MACROD2: variants seen among roughly 807,000 people sequenced by gnomAD.
MACROD2 encodes mono-ADP ribosylhydrolase 2, also known as ADP-ribose glycohydrolase MACROD2.
In MACROD2, 36 loss-of-function variants were observed where a neutral mutation model predicts 70.4. The observed-to-expected ratio is 0.51, with a 90% CI of 0.39 to 0.68. MACROD2 has a LOEUF of 0.68. Among genes scored for constraint, MACROD2 ranks in the 30% least tolerant of loss-of-function variants. The pLI is 0.00. For missense variants in MACROD2, 496 were observed against 538.4 expected (o/e 0.92, Z 0.78); for synonymous variants, 172 against 178.8 (o/e 0.96, Z 0.30).
chr20:14,549,005 C>T (rs2123255136), intron 4 of MACROD2, among the ~76,000 whole-genome samples: 1 of 152,260 alleles, frequency 6.6e-6, no homozygotes, highest in South Asian at 2.1e-4. Context: ...TCCATGATTA[C>T]AGGCAAAGCA....
At chr20:15,281,248 T>C (rs192068531) in intron 6 of MACROD2, among the ~76,000 whole-genome samples, 1 of 146,928 alleles carries the variant, frequency 6.8e-6, no homozygotes, top group East Asian at 1.9e-4. Context: ...AACCATATTA[T>C]TCTGCCCCTG....
At chr20:14,030,372 A>G (rs1262265554) in intron 2 of MACROD2, among the ~76,000 whole-genome samples, 1 of 151,852 alleles carries the variant, frequency 6.6e-6, no homozygotes, top group South Asian at 2.1e-4. Context: ...TTCAGGGTTT[A>G]GTTGGTGAAA....
chr20:15,658,613 C>T (rs1477824207), intron 8 of MACROD2, among the ~76,000 whole-genome samples: 2 of 152,190 alleles, frequency 1.3e-5, no homozygotes, highest in East Asian at 1.9e-4. Flanking sequence ...GTCAGAATCT[C>T]CCTGCAGCAG....
chr20:15,546,298 C>T lies in MACROD2; in HGVS notation c.645+46451C>T, dbSNP rs369324531. Among the ~76,000 whole-genome samples the T allele has an allele frequency of 6.8e-4, 103 of 152,304 alleles. No homozygotes were observed. In the South Asian group the frequency reaches 7.5e-3, roughly 11 times the overall value. The stretch of plus-strand genomic sequence containing the variant: ...CACATGATAGCTAACACTTCTTGAA[C>T]GTCTGCAGAGACTGTGCTAAATGAC... On this transcript the variant is annotated intron_variant, in intron 8 of 17. Transcript: ENST00000684519.
intron 3 of MACROD2, among the ~76,000 whole-genome samples, chr20:14,402,467 C>CT (rs1448248515): frequency 6.6e-6 from 1 of 151,990 alleles, no homozygotes; most frequent in Non-Finnish European, 1.5e-5. Context: ...GGTGGTAAAA[C>CT]TGAAAAGGAA....
At chr20:15,082,737 CTT>C (rs962373275) in intron 5 of MACROD2, among the ~76,000 whole-genome samples, 2 of 151,954 alleles carry the variant, frequency 1.3e-5, no homozygotes, top group Non-Finnish European at 2.9e-5. Flanking sequence ...GCATTTTCCC[CTT>C]TGAATAGCAA....
chr20:15,440,496 G>C (rs560063369), intron 7 of MACROD2, among the ~76,000 whole-genome samples: 1 of 152,220 alleles, frequency 6.6e-6, no homozygotes, highest in African/African-American at 2.4e-5. Flanking sequence ...CTTCTAACTG[G>C]TAAAAAGGAG....
At chr20:14,773,608 A>G (rs1039801747) in intron 5 of MACROD2, among the ~76,000 whole-genome samples, 6 of 151,402 alleles carry the variant, frequency 4.0e-5, no homozygotes, top group African/African-American at 1.5e-4. Flanking sequence ...ATAAATGGAT[A>G]TAGAAAATAG....
chr20:15,706,222 C>T (rs936501634), intron 8 of MACROD2, among the ~76,000 whole-genome samples: 1 of 152,222 alleles, frequency 6.6e-6, no homozygotes, highest in Non-Finnish European at 1.5e-5. Context: ...AACCCACATA[C>T]AGTCAGAATA....
chr20:15,913,632 A>G (rs1295610652), intron 10 of MACROD2, among the ~76,000 whole-genome samples: 1 of 152,148 alleles, frequency 6.6e-6, no homozygotes, highest in Non-Finnish European at 1.5e-5. Flanking sequence ...TTTTTAGTTT[A>G]TAGAATGCTT....
chr20:14,372,492 A>G (rs1028444318), intron 3 of MACROD2, among the ~76,000 whole-genome samples: 4 of 152,116 alleles, frequency 2.6e-5, no homozygotes, highest in Non-Finnish European at 5.9e-5. Flanking sequence ...TTAGTGGTAT[A>G]TTTTTGGTTA....
Position 14,533,128 on chromosome 20 carries a change from C to T in MACROD2, c.301+39620C>T, listed in dbSNP as rs919211796. On this transcript the variant is annotated intron_variant, in intron 4 of 17. Transcript: ENST00000684519. ...ACCAATCAGAAAGGGCTCAGTCTAC[C>T]TAAAGCCTGGAGGATAAGGAAATTC... is the stretch of plus-strand genomic sequence containing the variant. 2.6e-5 allele frequency among the ~76,000 whole-genome samples: 3 copies of T among 114,632 alleles called. 1 individual carries two copies. The South Asian group carries it at 6.9e-4, about 26-fold the overall frequency. The allele number at this position is 114,632 out of a possible 152,430, so 75.2% of individuals were successfully genotyped here.
intron 15 of MACROD2, among the ~76,000 whole-genome samples, chr20:16,007,703 G>C (rs955887250): frequency 1.4e-4 from 22 of 152,054 alleles, no homozygotes; most frequent in Admixed American, 7.2e-4. Context: ...ACCTGACCAG[G>C]GTCACACATT....
intron 8 of MACROD2, among the ~76,000 whole-genome samples, chr20:15,805,967 A>G (rs1236103999): frequency 2.6e-5 from 4 of 152,106 alleles, no homozygotes; most frequent in Non-Finnish European, 1.5e-5. Context: ...GGTAATATTT[A>G]TTGGTCTTGA....
At chr20:14,613,511 G>A (rs151021850) in intron 4 of MACROD2, among the ~76,000 whole-genome samples, 2,482 of 152,078 alleles carry the variant, frequency 0.016, 65 homozygotes, top group African/African-American at 0.057. Context: ...AGAAGGGTAA[G>A]GATCCAATTA....
At chr20:15,529,603 A>G (rs1459537805) in intron 8 of MACROD2, among the ~76,000 whole-genome samples, 1 of 152,120 alleles carries the variant, frequency 6.6e-6, no homozygotes, top group Non-Finnish European at 1.5e-5. Context: ...ATGTAAAGCC[A>G]TGTTTGTGAT....
At chr20:15,683,826 C>T (rs559370519) in intron 8 of MACROD2, among the ~76,000 whole-genome samples, 2 of 152,254 alleles carry the variant, frequency 1.3e-5, no homozygotes, top group Admixed American at 6.5e-5. Context: ...GTGATCCACC[C>T]GCCTCGGCCT....
At chr20:14,967,027 G>A (rs1207239016) in intron 5 of MACROD2, among the ~76,000 whole-genome samples, 17 of 151,572 alleles carry the variant, frequency 1.1e-4, no homozygotes, top group Admixed American at 1.1e-3. Flanking sequence ...TGTATTGATG[G>A]GTGTGTACTG....
chr20:15,857,517 G>T (rs2064370856), intron 8 of MACROD2, among the ~76,000 whole-genome samples: 1 of 152,206 alleles, frequency 6.6e-6, no homozygotes, highest in African/African-American at 2.4e-5. Flanking sequence ...GAACCATCAA[G>T]AACTGGAGAA....
Sources: gnomAD v4.1 joint callset for allele counts (sites outside exome capture counted in the v4.1 genomes callset) on GRCh38, gnomAD v4.1.1 for gene constraint, MANE v1.5 for transcripts, NCBI Gene and HGNC (gene_info 2026-07-23, HGNC 2026-07-21) for gene names.